The following PER3 variants were observed in gnomAD, a reference collection of about 807,000 sequenced individuals.
The protein encoded by PER3 is period circadian protein homolog 3.
A neutral mutation model predicts 127.2 loss-of-function variants in PER3; 107 were observed. The observed-to-expected ratio is 0.84, with a 90% CI of 0.72 to 0.99. PER3 has a LOEUF of 0.99. Among genes scored for constraint, PER3 ranks in the 50% least tolerant of loss-of-function variants. PER3 has a pLI of 0.00. For missense variants in PER3, 1,560 were observed against 1,525.8 expected, an observed-to-expected ratio of 1.02 and a Z score of -0.37; for synonymous variants, 618 against 585.8, an observed-to-expected ratio of 1.05 and a Z score of -0.79.
In PER3 at chr1:7,836,006, T is replaced by C. The variant is rs2097356506; in HGVS notation, c.3398+61T>C. ...TTTTGTGGTTTCTTTTTTTCTTTTT[T>C]TTCTTTTTTGAGACGGAGTCTCGCC... On this transcript the variant is annotated intron_variant, in intron 20 of 21. Transcript: ENST00000377532. 8.6e-6 allele frequency: 11 copies of C among 1,272,188 alleles called. No individual in the cohort carries two copies. In the South Asian group the frequency reaches 1.5e-4, roughly 18 times the overall value. The allele number at this position is 1,272,188 out of a possible 1,614,324, so 78.8% of individuals were successfully genotyped here.
chr1:7,834,872 CAGTG>C (rs886180905), intron 19 of PER3, among the ~76,000 whole-genome samples: 15 of 152,072 alleles, frequency 9.9e-5, no homozygotes, highest in African/African-American at 3.6e-4. Context: ...CCTTCAAAGT[CAGTG>C]AGAAGGTTCT....
At chr1:7,840,453 G>A (rs942386625) in intron 21 of PER3, among the ~76,000 whole-genome samples, 6 of 147,628 alleles carry the variant, frequency 4.1e-5, no homozygotes, top group African/African-American at 1.0e-4. Context: ...TCAGCCTCCC[G>A]AGTAGCTAGC....
Position 7,827,554 on chromosome 1 carries a change from A to G in PER3, c.2625A>G (p.Pro875=), listed in dbSNP as rs1268148916. Residue 875 remains proline (P), a synonymous_variant, in exon 18 of 22, where the codon CCA becomes CCG. Transcript: ENST00000377532. ...CTCTGTTGTCGCCATCGTTTTTGCC[A>G]TGTCCATTCCTGGGGGCGACAGCCT... The part of the protein sequence containing the change: ...VCPLLSPSFL[P]CPFLGATASS... The G allele has an allele frequency of 6.8e-6, 11 of 1,613,828 alleles. No individual in the cohort carries two copies. The highest frequency in any genetic ancestry group is 3.3e-5 in the Admixed American group (2 of 60,000).
intron 21 of PER3, among the ~76,000 whole-genome samples, chr1:7,840,962 T>C (rs1332693530): frequency 1.3e-5 from 2 of 152,206 alleles, no homozygotes; most frequent in Non-Finnish European, 2.9e-5. Context: ...AATTCTTTCA[T>C]CTGGTCTTTC....
rs1413055571 is a variant in PER3, at chr1:7,842,812, T to A, written c.*57T>A. On this transcript the variant is annotated 3_prime_UTR_variant, in exon 22 of 22. Transcript: ENST00000377532. ...CCAAGACGTGTTACACAGACAGACC[T>A]TTTTAAGTCCTGGACTTTTAAATGA... 8.9e-6 allele frequency: 13 copies of A among 1,468,682 alleles called. No individual in the cohort carries two copies. Among genetic ancestry groups the A allele is most frequent in the Non-Finnish European group, 1.2e-5 (13 of 1,068,022 alleles). The allele number at this position is 1,468,682 out of a possible 1,614,324, so 91.0% of individuals were successfully genotyped here.
intron 10 of PER3, among the ~76,000 whole-genome samples, chr1:7,805,552 C>T (rs566102747): frequency 5.3e-5 from 8 of 152,258 alleles, no homozygotes; most frequent in African/African-American, 1.9e-4. Flanking sequence ...TGCTAGAAAA[C>T]GAATTTGATT....
In PER3 at chr1:7,842,709, GTGCGGCCACA is replaced by G. The variant is rs749848903; in HGVS notation, c.3589_3598del (p.Ala1197ProfsTer7). 1.2e-6 allele frequency: 2 copies of G among 1,613,580 alleles called. No individual in the cohort carries two copies. Among genetic ancestry groups the G allele is most frequent in the Non-Finnish European group, 8.5e-7 (1 of 1,179,636 alleles). ...TGTGAAAATGAAGATTCAGCTGATG[GTGCGGCCACA>G]TCCTGTGGTCAGGTTCTGGTAGAAG... is the stretch of plus-strand genomic sequence containing the variant. On this transcript the variant is annotated frameshift_variant, in exon 22 of 22. Coordinates refer to ENST00000377532, the MANE Select transcript of PER3 (RefSeq NM_001377275.1). LOFTEE classifies it low-confidence loss of function (END_TRUNC).
intron 6 of PER3, among the ~76,000 whole-genome samples, chr1:7,798,002 C>A (rs2150612163): frequency 6.6e-6 from 1 of 152,334 alleles, no homozygotes; most frequent in South Asian, 2.1e-4. Flanking sequence ...TCAACTTTTT[C>A]TTTCCTCCTC....
In PER3 at chr1:7,801,095, T is replaced by TC; in HGVS notation, c.794-18_794-17insC. The TC allele has an allele frequency of 6.5e-7, 1 of 1,546,152 alleles. No homozygotes were observed. The highest frequency in any genetic ancestry group is 8.9e-7 in the Non-Finnish European group (1 of 1,122,370). ...TAGATATTTGCCTTTAAATGGGTCT[T>TC]TGTTTTTTTTTCCTTAGCTCCTCGG... On this transcript the variant is annotated splice_polypyrimidine_tract_variant and intron_variant, in intron 7 of 21. Transcript: ENST00000377532.
intron 5 of PER3, among the ~76,000 whole-genome samples, chr1:7,793,134 T>G (rs1383327411): frequency 6.6e-6 from 1 of 152,254 alleles, no homozygotes; most frequent in Non-Finnish European, 1.5e-5. Context: ...GTATATTTTT[T>G]GAACATCTCA....
At chr1:7,799,091 G>A (rs1303008003) in intron 7 of PER3, among the ~76,000 whole-genome samples, 2 of 152,112 alleles carry the variant, frequency 1.3e-5, no homozygotes, top group Non-Finnish European at 2.9e-5. Context: ...TCTTGTACGA[G>A]CAGAACTATA....
Position 7,798,637 on chromosome 1 carries a change from C to G in PER3, c.757C>G (p.Leu253Val), listed in dbSNP as rs1378266956. The G allele has an allele frequency of 1.2e-6, 2 of 1,613,868 alleles. No homozygotes were observed. The highest frequency in any genetic ancestry group is 1.7e-6 in the Non-Finnish European group (2 of 1,179,762). The change falls in exon 7 of 22, where the codon CTC becomes GTC. Residue 253 changes from leucine to valine, a missense_variant. By Grantham distance (32) the Leu-to-Val change is conservative. Coordinates refer to ENST00000377532, the MANE Select transcript of PER3 (RefSeq NM_001377275.1). ...QPELESEPCC[L>V]TVVEKIHSGY... is the part of the protein sequence containing the mutation. ...AGAATTGGAATCGGAACCTTGCTGT[C>G]TCACTGTGGTTGAAAAGATTCACTC...
intron 13 of PER3, among the ~76,000 whole-genome samples, chr1:7,811,782 G>T (rs1255331243): frequency 6.6e-6 from 1 of 152,144 alleles, no homozygotes; most frequent in Non-Finnish European, 1.5e-5. Flanking sequence ...GAGTCATGGG[G>T]GACACACACA....
intron 13 of PER3, among the ~76,000 whole-genome samples, chr1:7,814,520 A>G (rs1164880144): frequency 6.6e-6 from 1 of 152,264 alleles, no homozygotes. Context: ...TGATATAAAG[A>G]TTTTCTCAAA....
At chr1:7,788,570 A>G (rs571178212) in intron 5 of PER3, 12 of 211,738 alleles carry the variant, frequency 5.7e-5, no homozygotes, top group African/African-American at 2.5e-4. Context: ...TTCCTCCTTC[A>G]TGATTTCCTT....
chr1:7,795,229 ATGT>A (rs1374984910), intron 6 of PER3, among the ~76,000 whole-genome samples: 1 of 152,142 alleles, frequency 6.6e-6, no homozygotes, highest in African/African-American at 2.4e-5. Context: ...TGTGTTTCTG[ATGT>A]TAATTAATAT....
Position 7,825,709 on chromosome 1 carries a change from C to T in PER3, c.1958-771C>T, listed in dbSNP as rs537910072. On this transcript the variant is annotated intron_variant, in intron 16 of 21. Coordinates refer to ENST00000377532, the MANE Select transcript of PER3 (RefSeq NM_001377275.1). The stretch of plus-strand genomic sequence containing the variant: ...GAGTTTGAGACCAGCCTGGCCAACA[C>T]GGTGAAACCCTGTCTCTACTAAAAA... 5.9e-5 allele frequency among the ~76,000 whole-genome samples: 9 copies of T among 152,124 alleles called. No homozygotes were observed. The East Asian group carries it at 1.2e-3, about 20-fold the overall frequency.
At chr1:7,812,879 C>G (rs996976033) in intron 13 of PER3, among the ~76,000 whole-genome samples, 3 of 151,978 alleles carry the variant, frequency 2.0e-5, no homozygotes, top group Admixed American at 6.6e-5. Flanking sequence ...CTACAGAAAC[C>G]TTTATACTCT....
chr1:7,794,366 G>A (rs570297821), intron 6 of PER3, among the ~76,000 whole-genome samples: 5 of 152,192 alleles, frequency 3.3e-5, no homozygotes, highest in African/African-American at 1.2e-4. Context: ...GGTAGTGCAC[G>A]CCTGTAGTCC....
Sources: gnomAD v4.1 joint callset for allele counts (sites outside exome capture counted in the v4.1 genomes callset) on GRCh38, gnomAD v4.1.1 for gene constraint, MANE v1.5 for transcripts, NCBI Gene and HGNC (gene_info 2026-07-23, HGNC 2026-07-21) for gene names.